DTNA: variants seen among roughly 807,000 people sequenced by gnomAD.
DTNA encodes the protein dystrophin-related protein 3.
In DTNA, 43 loss-of-function variants were observed where a neutral mutation model predicts 100.7. The observed-to-expected ratio is 0.43, with a 90% CI of 0.33 to 0.55. DTNA has a LOEUF of 0.55. Ranked by LOEUF, DTNA falls within the 20% of genes least tolerant of loss-of-function variation. DTNA has a pLI of 0.04. For missense variants in DTNA, 798 were observed against 953.9 expected (o/e 0.84, Z 2.15); for synonymous variants, 349 against 347.9 (o/e 1.00, Z -0.04).
At chr18:34,706,263 A>G (rs2082108735), upstream of DTNA, among the ~76,000 whole-genome samples, 1 of 152,214 alleles carries the variant, frequency 6.6e-6, no homozygotes, top group African/African-American at 2.4e-5. Flanking sequence ...TTTTTAATGT[A>G]TGAAGAAATA....
intron 1 of DTNA, among the ~76,000 whole-genome samples, chr18:34,596,043 T>C (rs189552581): frequency 1.3e-5 from 2 of 152,332 alleles, no homozygotes; most frequent in Middle Eastern, 3.4e-3. Context: ...CACAGAAAGC[T>C]ACTTGAAGTG....
At chr18:34,843,574 T>G (rs544762470) in intron 13 of DTNA, among the ~76,000 whole-genome samples, 2 of 152,168 alleles carry the variant, frequency 1.3e-5, no homozygotes, top group African/African-American at 4.8e-5. Context: ...CAAATAACCT[T>G]TTTTCTCTAC....
At chr18:34,739,407 A>G (rs927346445) in intron 1 of DTNA, among the ~76,000 whole-genome samples, 4 of 152,206 alleles carry the variant, frequency 2.6e-5, no homozygotes, top group African/African-American at 9.6e-5. Flanking sequence ...TTGTCATTCA[A>G]AAGTCTCATT....
In DTNA at chr18:34,863,970, C is replaced by T. The variant is rs2150150752; in HGVS notation, c.1651C>T (p.Arg551Cys). The stretch of plus-strand genomic sequence containing the variant: ...TGTCAGCTGCTTCTTTCTTAGACAG[C>T]GCAAAGATGAGCTGGAACAGAGAAT... Reference protein sequence around the residue: ...LLAELRLLRQRKDELEQRMSA... With the variant: ...LLAELRLLRQCKDELEQRMSA... The change falls in exon 17 of 23, where the codon CGC (arginine) becomes TGC (cysteine). Residue 551 changes from arginine to cysteine, a missense_variant. Transcript: ENST00000444659. 1 of 1,609,280 alleles carries T rather than the reference C, an allele frequency of 6.2e-7. No homozygotes were observed. Among genetic ancestry groups the T allele is most frequent in the Non-Finnish European group, 8.5e-7 (1 of 1,177,654 alleles).
chr18:34,769,060 T>C (rs568105732), intron 3 of DTNA, among the ~76,000 whole-genome samples: 17 of 152,192 alleles, frequency 1.1e-4, no homozygotes, highest in Admixed American at 4.6e-4. Flanking sequence ...AGAAAAGATA[T>C]TACATTCTAC....
At chr18:34,863,238 C>T (rs992235042) in intron 16 of DTNA, among the ~76,000 whole-genome samples, 1 of 152,174 alleles carries the variant, frequency 6.6e-6, no homozygotes, top group African/African-American at 2.4e-5. Context: ...TTTGGTACCT[C>T]TTAGTGTCAA....
chr18:34,886,411 T>G (rs1156520673), intron 22 of DTNA, among the ~76,000 whole-genome samples: 1 of 152,230 alleles, frequency 6.6e-6, no homozygotes, highest in Non-Finnish European at 1.5e-5. Context: ...CTGAAAATAT[T>G]CACTCCAGTT....
intron 1 of DTNA, among the ~76,000 whole-genome samples, chr18:34,511,807 TATATA>T (rs1483343143): frequency 6.6e-6 from 1 of 152,070 alleles, no homozygotes; most frequent in Non-Finnish European, 1.5e-5. Flanking sequence ...TAAATATTAA[TATATA>T]ATAATAGATG....
At chr18:34,582,001 T>C (rs2048698091) in intron 1 of DTNA, among the ~76,000 whole-genome samples, 1 of 152,208 alleles carries the variant, frequency 6.6e-6, no homozygotes, top group South Asian at 2.1e-4. Context: ...ATTTAAAAGC[T>C]ATAACGCAAA....
intron 1 of DTNA, among the ~76,000 whole-genome samples, chr18:34,601,377 A>G (rs2051790262): frequency 6.6e-6 from 1 of 152,204 alleles, no homozygotes; most frequent in African/African-American, 2.4e-5. Flanking sequence ...GACATGGCAT[A>G]CTGCTAAGCA....
chr18:34,585,239 G>T (rs1190910770), intron 1 of DTNA, among the ~76,000 whole-genome samples: 1 of 151,952 alleles, frequency 6.6e-6, no homozygotes, highest in Non-Finnish European at 1.5e-5. Context: ...GCCACAAAAA[G>T]CATGAGGGTA....
intron 1 of DTNA, among the ~76,000 whole-genome samples, chr18:34,525,022 A>G (rs2042481561): frequency 6.6e-6 from 1 of 152,164 alleles, no homozygotes; most frequent in Non-Finnish European, 1.5e-5. Context: ...AATGGAGAAC[A>G]ATATTCAAAA....
At chr18:34,884,000 G>A (rs866859131) in intron 21 of DTNA, among the ~76,000 whole-genome samples, 34 of 152,160 alleles carry the variant, frequency 2.2e-4, no homozygotes, top group African/African-American at 8.0e-4. Flanking sequence ...TTTTCCTTGC[G>A]CCTTCTATGG....
At chr18:34,584,417 G>T (rs1425947226) in intron 1 of DTNA, among the ~76,000 whole-genome samples, 1 of 152,052 alleles carries the variant, frequency 6.6e-6, no homozygotes, top group Non-Finnish European at 1.5e-5. Context: ...AAGAAATTGT[G>T]TTCATGAAAC....
intron 1 of DTNA, among the ~76,000 whole-genome samples, chr18:34,508,461 G>A (rs1471149173): frequency 2.0e-5 from 3 of 152,046 alleles, no homozygotes; most frequent in Admixed American, 6.6e-5. Flanking sequence ...CCTGTCCTGA[G>A]GAAAGAAAAG....
At chr18:34,643,317 A>C (rs1025081080) in intron 1 of DTNA, among the ~76,000 whole-genome samples, 2 of 152,260 alleles carry the variant, frequency 1.3e-5, no homozygotes, top group African/African-American at 4.8e-5. Flanking sequence ...ATGTTAGTTT[A>C]ACTTTCAAAA....
At chr18:34,846,318 T>A (rs911986893) in intron 13 of DTNA, among the ~76,000 whole-genome samples, 8 of 152,124 alleles carry the variant, frequency 5.3e-5, no homozygotes, top group African/African-American at 1.9e-4. Context: ...GGGATGAGGA[T>A]TACTAATGGA....
intron 1 of DTNA, among the ~76,000 whole-genome samples, chr18:34,603,304 G>A (rs2052346893): frequency 6.6e-6 from 1 of 151,906 alleles, no homozygotes; most frequent in Admixed American, 6.6e-5. Context: ...AATTAAAAGT[G>A]CAATAATATT....
chr18:34,557,182 C>T (rs1438627444), intron 1 of DTNA, among the ~76,000 whole-genome samples: 3 of 149,054 alleles, frequency 2.0e-5, no homozygotes, highest in African/African-American at 7.6e-5. Flanking sequence ...CTTCTGCATT[C>T]TTCACGTAGT....
Sources: allele counts gnomAD v4.1 joint callset (sites outside exome capture counted in the v4.1 genomes callset), GRCh38; gene constraint gnomAD v4.1.1; transcripts MANE v1.5; gene names NCBI Gene and HGNC (gene_info 2026-07-23, HGNC 2026-07-21).